Variants in CSMD1 observed in about 807,000 individuals in gnomAD.
CSMD1 encodes the protein CUB and sushi domain-containing protein 1.
A neutral mutation model predicts 417.5 loss-of-function variants in CSMD1; 213 were observed. The ratio of observed to expected loss-of-function variants is 0.51; its 90% CI spans 0.46 to 0.57. The LOEUF is 0.57. Ranked by LOEUF, CSMD1 falls within the 20% of genes least tolerant of loss-of-function variation. The probability of loss-of-function intolerance (pLI) is 0.00; values close to 1 mark genes in which losing one functional copy is unlikely to be tolerated. For missense variants in CSMD1, 6,923 were observed against 4,529.7 expected (o/e 1.53, Z -15.17); for synonymous variants, 2,862 against 1,736.8 (o/e 1.65, Z -16.11).
intron 1 of CSMD1, among the ~76,000 whole-genome samples, chr8:4,841,930 A>AAAAAAAAAAAAAAAAAACAAAAC (rs1192383183): frequency 7.4e-5 from 9 of 122,426 alleles, no homozygotes; most frequent in East Asian, 2.8e-4. Context: ...AAAAAAAAAA[A>AAAAAAAAAAAAAAAAAACAAAAC]AAAAAAAAGT....
chr8:3,922,954 C>G (rs796456077), intron 5 of CSMD1, among the ~76,000 whole-genome samples: 5 of 152,280 alleles, frequency 3.3e-5, no homozygotes, highest in African/African-American at 1.2e-4. Flanking sequence ...GTGTGAGCCC[C>G]TTGAGGTGTT....
At chr8:3,829,342 T>C (rs1462459553) in intron 5 of CSMD1, among the ~76,000 whole-genome samples, 3 of 152,194 alleles carry the variant, frequency 2.0e-5, no homozygotes, top group Admixed American at 2.0e-4. Flanking sequence ...ACCAGGTCTT[T>C]CTGGTTACTG....
intron 1 of CSMD1, among the ~76,000 whole-genome samples, chr8:4,651,157 G>C (rs1803868131): frequency 6.6e-6 from 1 of 151,816 alleles, no homozygotes; most frequent in Non-Finnish European, 1.5e-5. Flanking sequence ...TTTCAACTGA[G>C]AAAAAAAATC....
chr8:3,987,274 T>G (rs1360850517), intron 5 of CSMD1, among the ~76,000 whole-genome samples: 2 of 152,184 alleles, frequency 1.3e-5, no homozygotes, highest in Admixed American at 6.5e-5. Context: ...CAGCCCAGTG[T>G]TTCTGTAACA....
At chr8:3,864,512 C>A (rs190353399) in intron 5 of CSMD1, among the ~76,000 whole-genome samples, 4 of 152,288 alleles carry the variant, frequency 2.6e-5, no homozygotes, top group African/African-American at 7.2e-5. Flanking sequence ...TACATGTGCA[C>A]AACGTGCAGG....
chr8:4,042,934 T>C (rs778525207), intron 3 of CSMD1, among the ~76,000 whole-genome samples: 2 of 149,822 alleles, frequency 1.3e-5, no homozygotes, highest in East Asian at 3.9e-4. Flanking sequence ...AAGACCAGTC[T>C]GGCCAAGAGA....
intron 3 of CSMD1, among the ~76,000 whole-genome samples, chr8:4,103,910 C>T (rs192548462): frequency 2.0e-5 from 3 of 152,302 alleles, no homozygotes; most frequent in Admixed American, 2.0e-4. Flanking sequence ...TTCCCAAGGC[C>T]AAACAGCTTT....
At chr8:3,521,085 C>A (rs576220911) in intron 10 of CSMD1, among the ~76,000 whole-genome samples, 3 of 152,170 alleles carry the variant, frequency 2.0e-5, no homozygotes, top group Non-Finnish European at 4.4e-5. Context: ...ATTTTACTGT[C>A]ATTATCTCCT....
chr8:3,201,743 G>C lies in CSMD1; in HGVS notation c.4985-18C>G, dbSNP rs141169166. On this transcript the variant is annotated intron_variant, in intron 31 of 69. Coordinates refer to ENST00000635120, the MANE Select transcript of CSMD1 (RefSeq NM_033225.6). The stretch of plus-strand genomic sequence containing the variant: ...AAAGACCACTAAAAAATAAGAGGTG[G>C]GATGTTGGCACAAGATGCTCTAAGA... 2.8e-5 allele frequency: 42 copies of C among 1,480,658 alleles called. 1 individual carries two copies. The South Asian group carries it at 5.1e-4, about 18-fold the overall frequency. The allele number at this position is 1,480,658 out of a possible 1,614,324, so 91.7% of individuals were successfully genotyped here.
At chr8:3,555,112 C>T (rs1308853494) in intron 10 of CSMD1, among the ~76,000 whole-genome samples, 1 of 151,994 alleles carries the variant, frequency 6.6e-6, no homozygotes, top group Non-Finnish European at 1.5e-5. Context: ...GACAGGCAAA[C>T]CCTGGCAGGC....
At chr8:3,615,602 G>C (rs935815166) in intron 8 of CSMD1, among the ~76,000 whole-genome samples, 1 of 152,000 alleles carries the variant, frequency 6.6e-6, no homozygotes, top group African/African-American at 2.4e-5. Flanking sequence ...CTTCAATATA[G>C]ACACACTACA....
intron 1 of CSMD1, among the ~76,000 whole-genome samples, chr8:4,811,533 G>A (rs145490971): frequency 6.6e-6 from 1 of 152,146 alleles, no homozygotes; most frequent in Non-Finnish European, 1.5e-5. Flanking sequence ...AGAAACAAGA[G>A]GTATTTCCCA....
chr8:4,176,535 C>T (rs983648198), intron 3 of CSMD1, among the ~76,000 whole-genome samples: 2 of 152,092 alleles, frequency 1.3e-5, no homozygotes, highest in Non-Finnish European at 2.9e-5. Context: ...AATCACCATT[C>T]TGATCCCTAC....
chr8:4,255,787 G>C (rs1356481704), intron 3 of CSMD1, among the ~76,000 whole-genome samples: 5 of 152,272 alleles, frequency 3.3e-5, no homozygotes, highest in Admixed American at 3.3e-4. Flanking sequence ...GAAAACCCCA[G>C]CTCCATTCCA....
intron 2 of CSMD1, among the ~76,000 whole-genome samples, chr8:4,447,639 G>A (rs116237457): frequency 6.6e-6 from 1 of 152,108 alleles, no homozygotes; most frequent in African/African-American, 2.4e-5. Context: ...AAGTCGACAG[G>A]TTTACGGAAA....
At chr8:3,994,932 T>C (rs1426361824) in intron 5 of CSMD1, among the ~76,000 whole-genome samples, 1 of 152,206 alleles carries the variant, frequency 6.6e-6, no homozygotes, top group African/African-American at 2.4e-5. Context: ...TATGTGTATC[T>C]GCCCTCACTC....
At chr8:3,931,428 ATCTT>A (rs1365756583) in intron 5 of CSMD1, among the ~76,000 whole-genome samples, 2 of 150,472 alleles carry the variant, frequency 1.3e-5, no homozygotes, top group African/African-American at 4.9e-5. Flanking sequence ...GGAAAAAAAA[ATCTT>A]TCAATCCATG....
intron 2 of CSMD1, among the ~76,000 whole-genome samples, chr8:4,566,376 G>A (rs1400503373): frequency 2.0e-5 from 3 of 152,096 alleles, no homozygotes; most frequent in East Asian, 1.9e-4. Flanking sequence ...TTAGTTGGCC[G>A]GGCGTGGTGG....
intron 5 of CSMD1, among the ~76,000 whole-genome samples, chr8:3,982,056 A>T (rs909800862): frequency 6.6e-6 from 1 of 151,826 alleles, no homozygotes. Context: ...CTGTAATCCC[A>T]GCTACGCAGG....
Sources: allele counts gnomAD v4.1 joint callset (sites outside exome capture counted in the v4.1 genomes callset), GRCh38; gene constraint gnomAD v4.1.1; transcripts MANE v1.5; gene names NCBI Gene and HGNC (gene_info 2026-07-23, HGNC 2026-07-21).